NR3C2: variants seen among roughly 807,000 people sequenced by gnomAD.
NR3C2 encodes nuclear receptor subfamily 3 group C member 2, also known as mineralocorticoid receptor.
Under a neutral mutation model 86.4 loss-of-function variants are expected in NR3C2, and 15 were observed. The ratio of observed to expected loss-of-function variants is 0.17; its 90% confidence interval spans 0.12 to 0.27. The LOEUF (loss-of-function observed/expected upper bound fraction) is 0.27. NR3C2 is among the 10% of genes least tolerant of loss of function. NR3C2 has a pLI of 1.00. For synonymous variants in NR3C2, 458 were observed against 450.5 expected, an observed-to-expected ratio of 1.02 and a Z score of -0.21; for missense variants, 960 against 1,195.6, an observed-to-expected ratio of 0.80 and a Z score of 2.91.
At chr4:148,205,208 T>C (rs1210887888) in intron 3 of NR3C2, among the ~76,000 whole-genome samples, 1 of 152,360 alleles carries the variant, frequency 6.6e-6, no homozygotes, top group African/African-American at 2.4e-5. Flanking sequence ...AACTGAATCA[T>C]AAACTTCTAC....
chr4:148,152,695 A>T (rs1202638855), intron 5 of NR3C2, 82 bp from the exon 6 acceptor site: 1 of 1,337,522 alleles, frequency 7.5e-7, no homozygotes, highest in Admixed American at 1.7e-5. Flanking sequence ...GTCAACCCCA[A>T]ACAGCCACCT....
chr4:148,380,599 C>T (rs762562877), intron 2 of NR3C2, among the ~76,000 whole-genome samples: 4 of 152,170 alleles, frequency 2.6e-5, no homozygotes, highest in Admixed American at 6.5e-5. Flanking sequence ...ACATCCTTAC[C>T]AATACTTGTT....
intron 6 of NR3C2, among the ~76,000 whole-genome samples, chr4:148,126,346 T>G (rs1732744728): frequency 6.6e-6 from 1 of 152,226 alleles, no homozygotes; most frequent in Non-Finnish European, 1.5e-5. Flanking sequence ...GAGAATACAA[T>G]GCTTCTTAAG....
chr4:148,323,577 C>G (rs999273941), intron 2 of NR3C2, among the ~76,000 whole-genome samples: 2 of 151,910 alleles, frequency 1.3e-5, no homozygotes, highest in African/African-American at 2.4e-5. Flanking sequence ...GACATAATCT[C>G]GTGGTGCGCC....
At chr4:148,360,308 G>T (rs1367248130) in intron 2 of NR3C2, among the ~76,000 whole-genome samples, 10 of 151,994 alleles carry the variant, frequency 6.6e-5, no homozygotes, top group Non-Finnish European at 1.3e-4. Context: ...TGTCCTACAT[G>T]ACACTATGTG....
rs572565182 is a variant in NR3C2 at position 148,101,318 on chromosome 4, G to A, written c.2799+12786C>T. ...ACTATGAATTGTCTAAAAACCAGCCGCTGGGAAAACATTAACCTTCTTGAA... is the reference window on the plus strand; with the variant it reads ...ACTATGAATTGTCTAAAAACCAGCCACTGGGAAAACATTAACCTTCTTGAA... On this transcript the variant is annotated intron_variant, in intron 8 of 8. Coordinates refer to ENST00000358102, the MANE Select transcript of NR3C2 (RefSeq NM_000901.5). Among the ~76,000 whole-genome samples the A allele has an allele frequency of 9.2e-5, 14 of 152,264 alleles. 1 individual carries two copies. In the South Asian group the frequency reaches 1.9e-3, roughly 20 times the overall value.
intron 3 of NR3C2, among the ~76,000 whole-genome samples, chr4:148,221,825 T>A (rs1579031734): frequency 7.0e-6 from 1 of 142,690 alleles, no homozygotes; most frequent in African/African-American, 2.6e-5. Context: ...ACCTAAGAGG[T>A]GGAGGTTGCA....
chr4:148,138,244 G>A (rs1212104094), intron 6 of NR3C2, among the ~76,000 whole-genome samples: 2 of 152,124 alleles, frequency 1.3e-5, no homozygotes, highest in Admixed American at 6.5e-5. Flanking sequence ...CAACAATTGA[G>A]CTCTTAAATA....
At chr4:148,112,138 G>A (rs1168747535) in intron 8 of NR3C2, among the ~76,000 whole-genome samples, 1 of 151,840 alleles carries the variant, frequency 6.6e-6, no homozygotes, top group Non-Finnish European at 1.5e-5. Context: ...AAAAAAACTA[G>A]CAAAGGAGGT....
rs147268075 is a variant in NR3C2 at position 148,366,611 on chromosome 4, AAAC to A, written c.1757+68490_1757+68492del. 6.9e-3 allele frequency among the ~76,000 whole-genome samples: 1,045 copies of A among 152,196 alleles called. 15 individuals are homozygous for A. Among genetic ancestry groups the A allele is most frequent in the African/African-American group, 0.024 (992 of 41,542 alleles). ...TAAATTGATAAATTCACACAAAATG[AAAC>A]AACATGTCTCTATTCTCTCATCATT... On this transcript the variant is annotated intron_variant, in intron 2 of 8. Transcript: ENST00000358102.
At chr4:148,418,498 A>G (rs1160457340) in intron 2 of NR3C2, among the ~76,000 whole-genome samples, 4 of 152,118 alleles carry the variant, frequency 2.6e-5, no homozygotes, top group Admixed American at 2.0e-4. Flanking sequence ...AGTTCTCACA[A>G]AGAACTAGAA....
Position 148,171,585 on chromosome 4 carries a change from AATAGGG to A in NR3C2, c.2015-16690_2015-16685del, listed in dbSNP as rs1245160969. Among the ~76,000 whole-genome samples, 6 of 152,206 alleles carry A rather than the reference AATAGGG, an allele frequency of 3.9e-5. No homozygotes were observed. In the South Asian group the frequency reaches 1.0e-3, roughly 26 times the overall value. On this transcript the variant is annotated intron_variant, in intron 4 of 8. Transcript: ENST00000358102. ...CAGATCCCTTGAATGTGCAGTTCAC[AATAGGG>A]TTCGTGCTCCTATGAGAATCTAATG...
intron 8 of NR3C2, among the ~76,000 whole-genome samples, chr4:148,091,638 C>T (rs1309384877): frequency 6.6e-6 from 1 of 152,212 alleles, no homozygotes; most frequent in Non-Finnish European, 1.5e-5. Context: ...TCACCCTGTA[C>T]ATTCATGTGG....
chr4:148,229,324 C>A (rs1036571391), intron 3 of NR3C2, among the ~76,000 whole-genome samples: 1 of 152,124 alleles, frequency 6.6e-6, no homozygotes, highest in Non-Finnish European at 1.5e-5. Context: ...GTTGGCAGAA[C>A]CCCCTCTTTC....
At chr4:148,400,067 T>C (rs912823104) in intron 2 of NR3C2, among the ~76,000 whole-genome samples, 2 of 152,276 alleles carry the variant, frequency 1.3e-5, no homozygotes, top group African/African-American at 4.8e-5. Flanking sequence ...TATGTCTCTC[T>C]GTGTAAAGGA....
chr4:148,387,778 C>T (rs1344123381), intron 2 of NR3C2, among the ~76,000 whole-genome samples: 1 of 152,198 alleles, frequency 6.6e-6, no homozygotes, highest in Admixed American at 6.5e-5. Context: ...GTGACAGCAT[C>T]ATCCAATATA....
chr4:148,282,900 G>T (rs1244903980), intron 2 of NR3C2, among the ~76,000 whole-genome samples: 1 of 152,128 alleles, frequency 6.6e-6, no homozygotes, highest in Non-Finnish European at 1.5e-5. Flanking sequence ...CAAAAAAGAG[G>T]CAAAGGCTAT....
chr4:148,393,003 T>C lies in NR3C2; in HGVS notation c.1757+42101A>G, dbSNP rs148690069. ...TCATTACTAAAATGTATTGTTTCCA[T>C]ACAAGTTTCCTACAAGTGCAAGATC... On this transcript the variant is annotated intron_variant, in intron 2 of 8. Coordinates refer to ENST00000358102, the MANE Select transcript of NR3C2 (RefSeq NM_000901.5). 2.1e-3 allele frequency among the ~76,000 whole-genome samples: 320 copies of C among 152,340 alleles called. 1 individual carries two copies. Among genetic ancestry groups the C allele is most frequent in the African/African-American group, 7.3e-3 (303 of 41,592 alleles).
At chr4:148,089,280 T>C (rs1730956847) in intron 8 of NR3C2, among the ~76,000 whole-genome samples, 1 of 152,206 alleles carries the variant, frequency 6.6e-6, no homozygotes, top group African/African-American at 2.4e-5. Context: ...GGGTTTAATG[T>C]GCTCTGCACC....
Sources: allele counts gnomAD v4.1 joint callset (sites outside exome capture counted in the v4.1 genomes callset), GRCh38; gene constraint gnomAD v4.1.1; transcripts MANE v1.5; gene names NCBI Gene and HGNC (gene_info 2026-07-23, HGNC 2026-07-21).